The following FAM13A variants were observed in gnomAD, a reference collection of about 807,000 sequenced individuals.
FAM13A encodes the protein protein FAM13A.
A neutral mutation model predicts 129.6 loss-of-function variants in FAM13A; 76 were observed. That is an observed-to-expected ratio of 0.59 (90% CI 0.49 to 0.71). The LOEUF is 0.71. Ranked by LOEUF, FAM13A falls within the 30% of genes least tolerant of loss-of-function variation. The pLI is 0.00. For synonymous variants in FAM13A, 443 were observed against 449.9 expected, an observed-to-expected ratio of 0.98 and a Z score of 0.20; for missense variants, 1,108 against 1,249.3, an observed-to-expected ratio of 0.89 and a Z score of 1.70.
intron 4 of FAM13A, among the ~76,000 whole-genome samples, chr4:88,970,648 C>T (rs1244574720): frequency 6.6e-6 from 1 of 151,590 alleles, no homozygotes; most frequent in Non-Finnish European, 1.5e-5. Flanking sequence ...AAAAAGTAAA[C>T]AACTATATAT....
chr4:88,973,221 A>G (rs1323951009), intron 4 of FAM13A, among the ~76,000 whole-genome samples: 1 of 145,688 alleles, frequency 6.9e-6, no homozygotes, highest in Non-Finnish European at 1.5e-5. Flanking sequence ...CTCAGTCATT[A>G]TTGTTTCAAA....
intron 19 of FAM13A, among the ~76,000 whole-genome samples, chr4:88,744,572 T>C (rs902100080): frequency 7.2e-5 from 11 of 152,182 alleles, no homozygotes; most frequent in Non-Finnish European, 1.3e-4. Flanking sequence ...AAAAAATCCA[T>C]TGAGTTTTGA....
intron 1 of FAM13A, among the ~76,000 whole-genome samples, chr4:89,044,635 C>A (rs1274564770): frequency 6.6e-6 from 1 of 152,068 alleles, no homozygotes; most frequent in Non-Finnish European, 1.5e-5. Flanking sequence ...TTCATAGCAG[C>A]ATTATTCACG....
At chr4:88,839,620 C>G (rs1735456074) in intron 7 of FAM13A, among the ~76,000 whole-genome samples, 1 of 152,182 alleles carries the variant, frequency 6.6e-6, no homozygotes, top group Non-Finnish European at 1.5e-5. Flanking sequence ...GGCACAGTGG[C>G]TCACGCCTGT....
chr4:88,843,143 G>C (rs1393160537), intron 7 of FAM13A, among the ~76,000 whole-genome samples: 3 of 152,174 alleles, frequency 2.0e-5, no homozygotes. Flanking sequence ...TCCAGTTTGA[G>C]AGGTTGGGGC....
At chr4:89,033,280 C>T (rs1456904225) in intron 1 of FAM13A, among the ~76,000 whole-genome samples, 2 of 152,166 alleles carry the variant, frequency 1.3e-5, no homozygotes, top group Non-Finnish European at 2.9e-5. Flanking sequence ...TCTTTAGTGT[C>T]TATGCCAGTC....
rs566812022 is a variant in FAM13A at position 88,930,763 on chromosome 4, G to A, written c.759+7325C>T. ...CCTAGGCAACTGAAGTGGTATGGGT[G>A]ATGGCATAGCAGTGGTGGAGCAACC... On this transcript the variant is annotated intron_variant, in intron 5 of 23. Coordinates refer to ENST00000264344, the MANE Select transcript of FAM13A (RefSeq NM_014883.4). 2.0e-5 allele frequency among the ~76,000 whole-genome samples: 3 copies of A among 152,242 alleles called. No homozygotes were observed. The South Asian group carries it at 6.2e-4, about 32-fold the overall frequency.
intron 10 of FAM13A, among the ~76,000 whole-genome samples, chr4:88,784,149 C>A (rs1334623920): frequency 6.6e-6 from 1 of 152,094 alleles, no homozygotes; most frequent in Non-Finnish European, 1.5e-5. Flanking sequence ...ATGGACAAAT[C>A]CTGTCTCCTC....
intron 1 of FAM13A, among the ~76,000 whole-genome samples, chr4:89,048,859 C>T (rs1366317110): frequency 6.6e-6 from 1 of 152,200 alleles, no homozygotes; most frequent in East Asian, 1.9e-4. Context: ...ACTTAGAATC[C>T]TTTGGTTATT....
At chr4:88,973,131 A>ATTTTTTTTTTTTTTTTTTTT (rs70959640) in intron 4 of FAM13A, among the ~76,000 whole-genome samples, 1 of 134,480 alleles carries the variant, frequency 7.4e-6, no homozygotes, top group Non-Finnish European at 1.6e-5. Context: ...CCTAGGCATA[A>ATTTTTTTTTTTTTTTTTTTT]TTTTTTTTTT....
At chr4:88,954,832 G>A (rs1380256411) in intron 4 of FAM13A, among the ~76,000 whole-genome samples, 1 of 150,800 alleles carries the variant, frequency 6.6e-6, no homozygotes, top group African/African-American at 2.4e-5. Flanking sequence ...GTTGCAGTGA[G>A]CAGAGATTGT....
rs2149197009 is a variant in FAM13A at position 89,057,168 on chromosome 4, G to A, written c.-204C>T. ...TCTTTCCGCTGAACCCACATGGCTG[G>A]AAGGACTGCCTGGAGTTGAAATTTG... On this transcript the variant is annotated 5_prime_UTR_variant, in exon 1 of 24. Transcript: ENST00000264344. The A allele has an allele frequency of 7.0e-7, 1 of 1,420,576 alleles. No homozygotes were observed. The highest frequency in any genetic ancestry group is 2.6e-5 in the East Asian group (1 of 38,560). 88.0% of individuals were successfully genotyped at this position (1,420,576 alleles called of 1,614,324 possible). A position where few individuals can be genotyped will look rare whatever the true frequency, so the allele number is the denominator to read the frequency against.
intron 1 of FAM13A, among the ~76,000 whole-genome samples, chr4:89,045,865 A>C (rs1157364884): frequency 6.6e-6 from 1 of 151,990 alleles, no homozygotes; most frequent in Admixed American, 6.6e-5. Flanking sequence ...CTCTACTAAT[A>C]GTACAAAAAT....
At chr4:88,838,502 C>T (rs572842345) in intron 7 of FAM13A, among the ~76,000 whole-genome samples, 7 of 152,214 alleles carry the variant, frequency 4.6e-5, no homozygotes, top group African/African-American at 1.7e-4. Flanking sequence ...CTTTGGGATG[C>T]CGAGGCGGGC....
At chr4:89,017,665 G>A (rs1307026176) in intron 3 of FAM13A, among the ~76,000 whole-genome samples, 6 of 151,972 alleles carry the variant, frequency 3.9e-5, no homozygotes, top group East Asian at 1.9e-4. Flanking sequence ...TAAAATATTC[G>A]TCAACTCCTG....
chr4:89,030,322 C>T (rs1335052715), intron 1 of FAM13A, among the ~76,000 whole-genome samples: 1 of 151,900 alleles, frequency 6.6e-6, no homozygotes, highest in Non-Finnish European at 1.5e-5. Context: ...GATTCAATTA[C>T]CTCAAGTTAA....
chr4:88,917,503 A>G (rs1750305740), intron 5 of FAM13A, among the ~76,000 whole-genome samples: 1 of 152,080 alleles, frequency 6.6e-6, no homozygotes, highest in Non-Finnish European at 1.5e-5. Flanking sequence ...AATTCAAGTT[A>G]CTCCTTTCCT....
chr4:88,944,799 A>C (rs1037855395), intron 4 of FAM13A, among the ~76,000 whole-genome samples: 14 of 151,928 alleles, frequency 9.2e-5, no homozygotes, highest in African/African-American at 3.4e-4. Context: ...GCTACTCGAG[A>C]GGCTGAGGCA....
At chr4:88,826,312 TAAAAA>T (rs35488589) in intron 7 of FAM13A, among the ~76,000 whole-genome samples, 8 of 138,924 alleles carry the variant, frequency 5.8e-5, no homozygotes, top group Non-Finnish European at 6.2e-5. Context: ...CACGTAGGAT[TAAAAA>T]AAAAAAAAAA....
Sources: gnomAD v4.1 joint callset for allele counts (sites outside exome capture counted in the v4.1 genomes callset) on GRCh38, gnomAD v4.1.1 for gene constraint, MANE v1.5 for transcripts, NCBI Gene and HGNC (gene_info 2026-07-23, HGNC 2026-07-21) for gene names.